KCNQ1OT1: variants seen among roughly 807,000 people sequenced by gnomAD.
KCNQ1OT1 encodes KCNQ1 antisense RNA 2 (non-protein coding).
At chr11:2,650,155 A>G (rs1385381123) in exon 1 of KCNQ1OT1, 2 of 398,328 alleles carry the variant, frequency 5.0e-6, no homozygotes, top group South Asian at 2.5e-4. Flanking sequence ...TTTCATATCT[A>G]ACTCTGCTGG....
exon 1 of KCNQ1OT1, chr11:2,656,027 C>CCT (rs1233909281): frequency 5.0e-6 from 2 of 398,554 alleles, no homozygotes; most frequent in Admixed American, 8.8e-5. Context: ...ACAGAACCTT[C>CCT]CTCAGGGGTC....
chr11:2,671,130 G>A lies in KCNQ1OT1; in HGVS notation n.28865C>T, dbSNP rs1053548356. 1.5e-5 allele frequency: 6 copies of A among 398,530 alleles called. No homozygotes were observed. The highest frequency in any genetic ancestry group is 2.7e-5 in the Non-Finnish European group (6 of 226,094). The allele number at this position is 398,530 out of a possible 1,614,324, so 24.7% of individuals were successfully genotyped here. A position where few individuals can be genotyped will look rare whatever the true frequency, so the allele number is the denominator to read the frequency against. On this transcript the variant is annotated non_coding_transcript_exon_variant, in exon 1 of 1. Transcript: ENST00000597346. The surrounding 1 kb of genome is among the most constrained non-coding windows in gnomAD (Gnocchi z 4.7). The stretch of plus-strand genomic sequence containing the variant: ...AGCAGTTAGTCTGTCAGGCCTGGTT[G>A]GTCCCATGGGAGGCCTGAGGTGCCA...
chr11:2,659,571 T>G lies in KCNQ1OT1; in HGVS notation n.40424A>C. The G allele has an allele frequency of 2.5e-6, 1 of 398,584 alleles. No homozygotes were observed. 24.7% of individuals were successfully genotyped at this position (398,584 alleles called of 1,614,324 possible). On this transcript the variant is annotated non_coding_transcript_exon_variant, in exon 1 of 1. Transcript: ENST00000597346. This position sits in a 1 kb window ranked among gnomAD's most constrained non-coding sequence, Gnocchi z 4.3. Reference sequence around the variant, plus strand: ...TGAGCAGAGTTACTATACACATTTATGTACAGGTTTTTGCGAACATAAAAA... The same window carrying G: ...TGAGCAGAGTTACTATACACATTTAGGTACAGGTTTTTGCGAACATAAAAA...
At position 2,669,228 on chromosome 11, in the gene KCNQ1OT1, G is replaced by T. The variant is rs1196800281; in HGVS notation, n.30767C>A. 1 of 398,710 alleles carries T rather than the reference G, an allele frequency of 2.5e-6. No homozygotes were observed. The highest frequency in any genetic ancestry group is 3.6e-5 in the East Asian group (1 of 28,080). 24.7% of individuals were successfully genotyped at this position (398,710 alleles called of 1,614,324 possible). On this transcript the variant is annotated non_coding_transcript_exon_variant, in exon 1 of 1. Transcript: ENST00000597346. The surrounding 1 kb of genome is among the most constrained non-coding windows in gnomAD (Gnocchi z 5.6). Reference sequence around the variant, plus strand: ...CTAACAGGTTTTGACAGCTGGTCCTGCTGGCTCTGGCTGCTTCTCCTTCCC... The same window carrying T: ...CTAACAGGTTTTGACAGCTGGTCCTTCTGGCTCTGGCTGCTTCTCCTTCCC...
Position 2,619,214 on chromosome 11 carries a change from T to G in KCNQ1OT1, n.80781A>C, listed in dbSNP as rs1849121897. 10 of 398,564 alleles carry G rather than the reference T, an allele frequency of 2.5e-5. 1 individual carries two copies. In the South Asian group the frequency reaches 1.1e-3, roughly 46 times the overall value. 24.7% of individuals were successfully genotyped at this position (398,564 alleles called of 1,614,324 possible). ...TGTACTAGTACTTCCAGTACTATGT[T>G]GAGTAGTAGTAGCTAGAGTGGGCAT... On this transcript the variant is annotated non_coding_transcript_exon_variant, in exon 1 of 1. Coordinates refer to ENST00000597346, the Ensembl canonical transcript of KCNQ1OT1.
At chr11:2,680,137 C>T (rs946004595) in exon 1 of KCNQ1OT1, 35 of 396,466 alleles carry the variant, frequency 8.8e-5, no homozygotes, top group African/African-American at 6.6e-4. Flanking sequence ...AGTGATCTGC[C>T]CGCCTCAGCC....
exon 1 of KCNQ1OT1, chr11:2,616,587 G>A (rs539248726): frequency 6.8e-5 from 27 of 397,848 alleles, no homozygotes; most frequent in Middle Eastern, 6.3e-4. Flanking sequence ...ATGTTGTGTC[G>A]TCATTTTCAC....
At chr11:2,638,557 T>C (rs1194170095) in exon 1 of KCNQ1OT1, 1 of 152,248 alleles carries the variant, frequency 6.6e-6, no homozygotes, top group Non-Finnish European at 1.5e-5. Context: ...GTTAGTCTGA[T>C]GGGTTTCCCT....
At chr11:2,665,555 C>A (rs1292111557) in exon 1 of KCNQ1OT1, 2 of 394,788 alleles carry the variant, frequency 5.1e-6, no homozygotes, top group African/African-American at 2.1e-5. Context: ...TCTGCAGCCA[C>A]CAGATTTCCA....
Position 2,617,519 on chromosome 11 carries a change from A to T in KCNQ1OT1, n.82476T>A. 2.5e-6 allele frequency: 1 copy of T among 398,464 alleles called. No homozygotes were observed. Among genetic ancestry groups the T allele is most frequent in the Admixed American group, 4.4e-5 (1 of 22,714 alleles). The allele number at this position is 398,464 out of a possible 1,614,324, so 24.7% of individuals were successfully genotyped here. A position where few individuals can be genotyped will look rare whatever the true frequency, so the allele number is the denominator to read the frequency against. ...GACTCATGCATATAATGCCACAATG[A>T]ATATAGGAGCGCAGATATCTTTATG... is the stretch of plus-strand genomic sequence containing the variant. On this transcript the variant is annotated non_coding_transcript_exon_variant, in exon 1 of 1. Transcript: ENST00000597346. The surrounding 1 kb of genome is among the most constrained non-coding windows in gnomAD (Gnocchi z 4.6).
In KCNQ1OT1 at chr11:2,679,813, G is replaced by T. The variant is rs1850358334; in HGVS notation, n.20182C>A. 5.0e-6 allele frequency: 2 copies of T among 398,604 alleles called. No individual in the cohort carries two copies. Among genetic ancestry groups the T allele is most frequent in the Admixed American group, 8.8e-5 (2 of 22,740 alleles). The allele number at this position is 398,604 out of a possible 1,614,324, so 24.7% of individuals were successfully genotyped here. Reference sequence around the variant, plus strand: ...GTTGAGGGCTAGAGGAGCACAAGGGGCCAGACTGCTGCTACTTCTGAATTT... The same window carrying T: ...GTTGAGGGCTAGAGGAGCACAAGGGTCCAGACTGCTGCTACTTCTGAATTT... On this transcript the variant is annotated non_coding_transcript_exon_variant, in exon 1 of 1. Coordinates refer to ENST00000597346, the Ensembl canonical transcript of KCNQ1OT1. This position sits in a 1 kb window ranked among gnomAD's most constrained non-coding sequence, Gnocchi z 4.8.
chr11:2,686,514 C>G (rs1850492463), exon 1 of KCNQ1OT1: 1 of 398,580 alleles, frequency 2.5e-6, no homozygotes, highest in Non-Finnish European at 4.4e-6. Flanking sequence ...AGTCTCACTC[C>G]CGTCACGGAA....
exon 1 of KCNQ1OT1, chr11:2,634,202 G>T: frequency 2.5e-6 from 1 of 394,372 alleles, no homozygotes; most frequent in East Asian, 3.6e-5. Flanking sequence ...TAAGTTCTAG[G>T]GTACATGTGC....
At chr11:2,675,275 C>T in exon 1 of KCNQ1OT1, 1 of 398,574 alleles carries the variant, frequency 2.5e-6, no homozygotes, top group East Asian at 3.6e-5. Context: ...GATAACTCAC[C>T]TCTCCCAAAA....
At position 2,608,791 on chromosome 11, in the gene KCNQ1OT1, G is replaced by GT. The variant is rs1244969443; in HGVS notation, n.91203dup. ...GGTGTGAGCCACTGCAGCTAGCCTC[G>GT]TTTTTTTGCTTTAATTTGTAAAACT... On this transcript the variant is annotated non_coding_transcript_exon_variant, in exon 1 of 1. Transcript: ENST00000597346. The surrounding 1 kb of genome is among the most constrained non-coding windows in gnomAD (Gnocchi z 4.6). The GT allele has an allele frequency of 1.0e-5, 4 of 398,224 alleles. No individual in the cohort carries two copies. The highest frequency in any genetic ancestry group is 3.6e-5 in the East Asian group (1 of 28,086). The allele number at this position is 398,224 out of a possible 1,614,324, so 24.7% of individuals were successfully genotyped here.
chr11:2,622,491 A>C (rs1004402476), exon 1 of KCNQ1OT1: 8 of 398,316 alleles, frequency 2.0e-5, no homozygotes, highest in Non-Finnish European at 3.1e-5. Context: ...TTTTCTTTTA[A>C]ATCCATTCTG....
Position 2,651,986 on chromosome 11 carries a change from G to T in KCNQ1OT1, n.48009C>A. The T allele has an allele frequency of 2.5e-6, 1 of 398,626 alleles. No homozygotes were observed. Among genetic ancestry groups the T allele is most frequent in the South Asian group, 1.3e-4 (1 of 7,826 alleles). 24.7% of individuals were successfully genotyped at this position (398,626 alleles called of 1,614,324 possible). On this transcript the variant is annotated non_coding_transcript_exon_variant, in exon 1 of 1. Transcript: ENST00000597346. The surrounding 1 kb of genome is among the most constrained non-coding windows in gnomAD (Gnocchi z 6.1). ...GAGCCAAGCTGAGTTGATTACTTTT[G>T]ACATCAGTTGTTAACATAATTTTGA...
chr11:2,655,997 TAATTTCCTAAAAC>T, exon 1 of KCNQ1OT1: 1 of 398,606 alleles, frequency 2.5e-6, no homozygotes. Flanking sequence ...GTGCACATTT[TAATTTCCTAAAAC>T]ACCAGGACAG....
exon 1 of KCNQ1OT1, chr11:2,650,403 C>T (rs543183454): frequency 2.5e-6 from 1 of 398,456 alleles, no homozygotes; most frequent in African/African-American, 2.1e-5. Flanking sequence ...ATGGAGTAGC[C>T]TTAGTAAGGA....
Sources: gnomAD v4.1 joint callset for allele counts on GRCh38, gnomAD v4.1.1 for gene constraint, Gnocchi (gnomAD v3.1) non-coding constraint, MANE v1.5 for transcripts, NCBI Gene and HGNC (gene_info 2026-07-23, HGNC 2026-07-21) for gene names.